Variants in DAD1 observed in about 807,000 individuals in gnomAD.
The protein encoded by DAD1 is dolichyl-diphosphooligosaccharide--protein glycosyltransferase subunit DAD1.
In DAD1, 4 loss-of-function variants were observed where a neutral mutation model predicts 9.0. The ratio of observed to expected loss-of-function variants is 0.44; its 90% CI spans 0.22 to 1.01. DAD1 has a LOEUF of 1.01. Ranked by LOEUF, DAD1 falls within the 50% of genes least tolerant of loss-of-function variation. The pLI is 0.24. For synonymous variants in DAD1, 60 were observed against 62.5 expected, an observed-to-expected ratio of 0.96 and a Z score of 0.19; for missense variants, 119 against 137.3, an observed-to-expected ratio of 0.87 and a Z score of 0.67.
At chr14:22,580,262 A>G (rs1266414761) in intron 1 of DAD1, among the ~76,000 whole-genome samples, 2 of 151,812 alleles carry the variant, frequency 1.3e-5, no homozygotes, top group African/African-American at 4.9e-5. Context: ...TACAAAAAAA[A>G]TGTTTTAATT....
At chr14:22,577,031 T>C (rs935262693) in intron 1 of DAD1, among the ~76,000 whole-genome samples, 3 of 152,072 alleles carry the variant, frequency 2.0e-5, no homozygotes, top group African/African-American at 7.2e-5. Context: ...TCAAATAGGG[T>C]AGCCAGTGTG....
chr14:22,582,660 T>C (rs1177728130), intron 1 of DAD1, among the ~76,000 whole-genome samples: 1 of 152,086 alleles, frequency 6.6e-6, no homozygotes, highest in African/African-American at 2.4e-5. Flanking sequence ...ATGAAACAGA[T>C]GCAGGAGATA....
At position 22,589,026 on chromosome 14, in the gene DAD1, G is replaced by A. The variant is rs778749120; in HGVS notation, c.132C>T (p.Tyr44=). The A allele has an allele frequency of 2.4e-5, 39 of 1,614,234 alleles. No individual in the cohort carries two copies. Among genetic ancestry groups the A allele is most frequent in the Non-Finnish European group, 3.2e-5 (38 of 1,180,030 alleles). The change falls in exon 1 of 3, where the codon TAC becomes TAT. Residue 44 remains tyrosine (Y), a synonymous_variant. Transcript: ENST00000250498. ...ILLTGALQFG[Y]CLLVGTFPFN... ...AGGGGAAGGTCCCCACGAGGAGACAGTAACCGAACTGCAGCGCCCCGGTCA... is the reference window on the plus strand; with the variant it reads ...AGGGGAAGGTCCCCACGAGGAGACAATAACCGAACTGCAGCGCCCCGGTCA...
At chr14:22,567,838 A>G (rs1249808965) in intron 2 of DAD1, among the ~76,000 whole-genome samples, 4 of 152,156 alleles carry the variant, frequency 2.6e-5, no homozygotes, top group African/African-American at 9.7e-5. Flanking sequence ...TTTCTCCTGG[A>G]CCATATTAAG....
intron 1 of DAD1, among the ~76,000 whole-genome samples, chr14:22,575,778 AC>A (rs1211588216): frequency 6.6e-6 from 1 of 152,066 alleles, no homozygotes; most frequent in East Asian, 1.9e-4. Context: ...CGAACTCCTG[AC>A]CTTGTGATCC....
At chr14:22,568,488 T>C (rs901700898) in intron 2 of DAD1, among the ~76,000 whole-genome samples, 4 of 152,108 alleles carry the variant, frequency 2.6e-5, no homozygotes, top group African/African-American at 9.7e-5. Context: ...AAAGCCCAAA[T>C]GAGGATCAAC....
Position 22,575,443 on chromosome 14 carries a change from A to G in DAD1, c.212-210T>C, listed in dbSNP as rs5742793. 0.093 allele frequency among the ~76,000 whole-genome samples: 14,149 copies of G among 152,258 alleles called. 1,204 individuals are homozygous for G. The highest frequency in any genetic ancestry group is 0.23 in the African/African-American group (9,338 of 41,490). On this transcript the variant is annotated intron_variant, in intron 1 of 2. Transcript: ENST00000250498. ...ATCAACAGTAAAATGGATAAATTAT[A>G]GCATATACAAACAATAGAATATTAT...
intron 2 of DAD1, among the ~76,000 whole-genome samples, chr14:22,570,093 G>A (rs558960047): frequency 4.0e-4 from 61 of 152,168 alleles, no homozygotes; most frequent in African/African-American, 1.4e-3. Context: ...CTTATTTGGC[G>A]GCAGGACCTA....
In DAD1 at chr14:22,589,218, C is replaced by T; in HGVS notation, c.-61G>A. ...CTCTTGGAGGACCCGTCGACCACAC[C>T]GGATGTGCTGTTTGCGCATGCGCAC... is the stretch of plus-strand genomic sequence containing the variant. On this transcript the variant is annotated 5_prime_UTR_variant, in exon 1 of 3. Coordinates refer to ENST00000250498, the MANE Select transcript of DAD1 (RefSeq NM_001344.4). 6.4e-7 allele frequency: 1 copy of T among 1,569,532 alleles called. No homozygotes were observed. Among genetic ancestry groups the T allele is most frequent in the Non-Finnish European group, 8.7e-7 (1 of 1,143,508 alleles).
intron 2 of DAD1, among the ~76,000 whole-genome samples, chr14:22,574,422 A>G (rs574029313): frequency 1.3e-5 from 2 of 152,270 alleles, no homozygotes; most frequent in South Asian, 4.1e-4. Flanking sequence ...AAAAACTCCA[A>G]TTCTACTTCT....
intron 2 of DAD1, among the ~76,000 whole-genome samples, chr14:22,568,097 G>A (rs1002502410): frequency 2.0e-5 from 3 of 151,442 alleles, no homozygotes; most frequent in Non-Finnish European, 4.4e-5. Context: ...AAGGTTTAGA[G>A]TCCAAATGTC....
At chr14:22,567,871 T>C (rs931618839) in intron 2 of DAD1, among the ~76,000 whole-genome samples, 4 of 152,186 alleles carry the variant, frequency 2.6e-5, no homozygotes, top group Non-Finnish European at 2.9e-5. Flanking sequence ...TGCAGAAACA[T>C]TTGAGATAGC....
rs1192928878 is a variant in DAD1, at chr14:22,584,612, A to C, written c.211+4335T>G. On this transcript the variant is annotated intron_variant, in intron 1 of 2. Coordinates refer to ENST00000250498, the MANE Select transcript of DAD1 (RefSeq NM_001344.4). ...AGCTGAGAAGTCTAAAAAGTGAAGGAATTTTGAAGGCAGTCAAGCAAAGGC... is the reference window on the plus strand; with the variant it reads ...AGCTGAGAAGTCTAAAAAGTGAAGGCATTTTGAAGGCAGTCAAGCAAAGGC... Among the ~76,000 whole-genome samples, 4 of 150,708 alleles carry C rather than the reference A, an allele frequency of 2.7e-5. No homozygotes were observed. The Admixed American group carries it at 2.7e-4, about 10-fold the overall frequency.
chr14:22,586,039 C>T (rs1397402151), intron 1 of DAD1, among the ~76,000 whole-genome samples: 3 of 152,038 alleles, frequency 2.0e-5, no homozygotes, highest in East Asian at 1.9e-4. Flanking sequence ...ACCCTGTCTC[C>T]ACTAAAAATA....
chr14:22,580,254 C>CA (rs34715640), intron 1 of DAD1, among the ~76,000 whole-genome samples: 13,860 of 151,140 alleles, frequency 0.092, 1,179 homozygotes, highest in African/African-American at 0.22. Flanking sequence ...CCTGTCTCTA[C>CA]AAAAAAAATG....
At chr14:22,587,358 AAAATT>A (rs1350497774) in intron 1 of DAD1, among the ~76,000 whole-genome samples, 2 of 152,182 alleles carry the variant, frequency 1.3e-5, no homozygotes, top group Non-Finnish European at 2.9e-5. Flanking sequence ...AACATCAAAC[AAAATT>A]AAATCAAAAG....
chr14:22,578,966 G>A (rs10145997), intron 1 of DAD1, among the ~76,000 whole-genome samples: 38,999 of 151,972 alleles, frequency 0.26, 5,752 homozygotes, highest in African/African-American at 0.4. Context: ...CAAAGGGTCC[G>A]GGCTGAATGA....
In DAD1 at chr14:22,588,861, C is replaced by A. The variant is rs974665932; in HGVS notation, c.211+86G>T. ...AGGCTCTTCTCATAACTTCAAGGGG[C>A]GGTGGTCTGATATAGAGTACTATGA... is the stretch of plus-strand genomic sequence containing the variant. On this transcript the variant is annotated intron_variant, in intron 1 of 2. Transcript: ENST00000250498. 30 of 1,316,038 alleles carry A rather than the reference C, an allele frequency of 2.3e-5. No individual in the cohort carries two copies. In the Admixed American group the frequency reaches 6.5e-4, roughly 29 times the overall value. 81.5% of individuals were successfully genotyped at this position (1,316,038 alleles called of 1,614,324 possible). A position where few individuals can be genotyped will look rare whatever the true frequency, so the allele number is the denominator to read the frequency against.
intron 1 of DAD1, among the ~76,000 whole-genome samples, chr14:22,579,928 C>T (rs578041813): frequency 6.6e-6 from 1 of 150,984 alleles, no homozygotes; most frequent in African/African-American, 2.4e-5. Flanking sequence ...CAGCCTCGAC[C>T]TCCTGGGCTC....
Sources: gnomAD v4.1 joint callset for allele counts (sites outside exome capture counted in the v4.1 genomes callset) on GRCh38, gnomAD v4.1.1 for gene constraint, MANE v1.5 for transcripts, NCBI Gene and HGNC (gene_info 2026-07-23, HGNC 2026-07-21) for gene names.